Variants in KRT14 observed in about 807,000 individuals in gnomAD.
KRT14 encodes keratin 14.
KRT14 carries 30 observed loss-of-function variants against 44.5 expected under a neutral mutation model. The ratio of observed to expected loss-of-function variants is 0.67; its 90% confidence interval spans 0.50 to 0.92. The LOEUF is 0.92. Among genes scored for constraint, KRT14 ranks in the 40% least tolerant of loss-of-function variants. The probability of loss-of-function intolerance (pLI) is 0.00; values close to 1 mark genes in which losing one functional copy is unlikely to be tolerated. For missense variants in KRT14, 535 were observed against 640.6 expected, an observed-to-expected ratio of 0.84 and a Z score of 1.78; for synonymous variants, 241 against 257.6, an observed-to-expected ratio of 0.94 and a Z score of 0.62.
intron 5 of KRT14, 27 bp from the exon 6 acceptor site, chr17:41,583,482 G>T (rs771523259): frequency 6.2e-7 from 1 of 1,614,132 alleles, no homozygotes; most frequent in Non-Finnish European, 8.5e-7. Context: ...GGGAATCAAC[G>T]ATTAGTGAGT....
chr17:41,583,753 C>T lies in KRT14; in HGVS notation c.927+7G>A, dbSNP rs1327826098. On this transcript the variant is annotated splice_region_variant and intron_variant, in intron 4 of 7. Transcript: ENST00000167586. ...TCTGGGTTCCTTCCACCTCAAATGA[C>T]ACCCACCTTGGTGAAGAACCATTCC... is the stretch of plus-strand genomic sequence containing the variant. 1 of 1,614,270 alleles carries T rather than the reference C, an allele frequency of 6.2e-7. No homozygotes were observed. The highest frequency in any genetic ancestry group is 1.7e-5 in the Admixed American group (1 of 60,036).
Position 41,584,388 on chromosome 17 carries a change from T to C in KRT14, c.634A>G (p.Met212Val). ...CCATTGATGTCGGCTTCCACACTCA[T>C]GCGCAGGTTCAACTCTGTCTCATAC... ...TKYETELNLR[M>V]SVEADINGLR... The change falls in exon 3 of 8, where the codon ATG becomes GTG. Residue 212 changes from methionine (M) to valine (V), a missense_variant. Transcript: ENST00000167586. The C allele has an allele frequency of 6.2e-7, 1 of 1,614,014 alleles. No homozygotes were observed. Among genetic ancestry groups the C allele is most frequent in the Non-Finnish European group, 8.5e-7 (1 of 1,179,992 alleles).
Position 41,586,763 on chromosome 17 carries a change from G to A in KRT14, c.72C>T (p.Ile24=), listed in dbSNP as rs1385729323. The change falls in exon 1 of 8, where the codon ATC becomes ATT. Residue 24 remains isoleucine (I), a synonymous_variant. Transcript: ENST00000167586. ...MKGSCGIGGG[I]GGGSSRISSV... ...AGGAGATGCGGCTGGAGCCGCCCCC[G>A]ATGCCGCCCCCGATGCCGCAGGAGC... 29 of 1,581,422 alleles carry A rather than the reference G, an allele frequency of 1.8e-5. No homozygotes were observed. The highest frequency in any genetic ancestry group is 2.7e-5 in the African/African-American group (2 of 72,768).
At chr17:41,584,697 T>C (rs1907468912) in intron 2 of KRT14, among the ~76,000 whole-genome samples, 1 of 152,098 alleles carries the variant, frequency 6.6e-6, no homozygotes, top group Non-Finnish European at 1.5e-5. Context: ...TATGATTCCT[T>C]CCTATACTTC....
In KRT14 at chr17:41,583,593, G is replaced by A. The variant is rs540140138; in HGVS notation, c.1011C>T (p.Thr337=). The change falls in exon 5 of 8, where the codon ACC becomes ACT. Residue 337 remains threonine, a synonymous_variant. Transcript: ENST00000167586. ...GCAGCTCAATCTCCAGGTTCTGCAT[G>A]GTGCGCCGGAGCTCCGAGATCTCGC... ...GKSEISELRR[T]MQNLEIELQS... The A allele has an allele frequency of 1.9e-6, 3 of 1,614,072 alleles. No individual in the cohort carries two copies. Among genetic ancestry groups the A allele is most frequent in the Non-Finnish European group, 2.5e-6 (3 of 1,180,034 alleles).
At position 41,584,519 on chromosome 17, in the gene KRT14, G is replaced by A. The variant is rs1204100112; in HGVS notation, c.609-106C>T. The A allele has an allele frequency of 2.3e-6, 3 of 1,282,452 alleles. No individual in the cohort carries two copies. In the East Asian group the frequency reaches 7.2e-5, roughly 31 times the overall value. 79.4% of individuals were successfully genotyped at this position (1,282,452 alleles called of 1,614,324 possible). A position where few individuals can be genotyped will look rare whatever the true frequency, so the allele number is the denominator to read the frequency against. On this transcript the variant is annotated intron_variant, in intron 2 of 7. Transcript: ENST00000167586. The stretch of plus-strand genomic sequence containing the variant: ...TCCCAGAGCTGGTGCCTTGTGGGTG[G>A]TTTAAGGAGCCAATCTTGAAAATGG...
At chr17:41,584,806 T>C (rs1011155156) in intron 2 of KRT14, among the ~76,000 whole-genome samples, 169 bp downstream of exon 2, 13 of 152,318 alleles carry the variant, frequency 8.5e-5, no homozygotes, top group African/African-American at 3.1e-4. Context: ...TATAAATAGC[T>C]GAATCAAAAC....
rs61300844 is a variant in KRT14, at chr17:41,584,069, C to CTTT, written c.766-151_766-149dup. The CTTT allele has an allele frequency of 7.4e-3, 2,261 of 304,442 alleles. 107 individuals are homozygous for CTTT. The highest frequency in any genetic ancestry group is 9.1e-3 in the South Asian group (311 of 34,096). The allele number at this position is 304,442 out of a possible 1,614,324, so 18.9% of individuals were successfully genotyped here. A position where few individuals can be genotyped will look rare whatever the true frequency, so the allele number is the denominator to read the frequency against. ...TCTCTCAATCTCTCTCTCTCTCTCT[C>CTTT]TTTTTTTTTTTTTTTTTTTTTTTTT... On this transcript the variant is annotated intron_variant, in intron 3 of 7. Transcript: ENST00000167586.
Position 41,586,420 on chromosome 17 carries a change from C to A in KRT14, c.415G>T (p.Ala139Ser). Residue 139 changes from alanine (A) to serine (S), a missense_variant, in exon 1 of 8, where the codon GCC (alanine) becomes TCC (serine). Coordinates refer to ENST00000167586, the MANE Select transcript of KRT14 (RefSeq NM_000526.5). The stretch of plus-strand genomic sequence containing the variant: ...ATCTTCACTTCCAGGTCGGCGTTGG[C>A]CTCCTCCAGAGCACGCACCTTGTCC... ...YLDKVRALEEANADLEVKIRD... is the reference protein window; with the variant it reads ...YLDKVRALEESNADLEVKIRD... 6.2e-7 allele frequency: 1 copy of A among 1,614,118 alleles called. No homozygotes were observed.
In KRT14 at chr17:41,586,807, A is replaced by G. The variant is rs1374827316; in HGVS notation, c.28T>C (p.Ser10Pro). The change falls in exon 1 of 8, where the codon TCC becomes CCC. Residue 10 changes from serine (S) to proline (P), a missense_variant. Coordinates refer to ENST00000167586, the MANE Select transcript of KRT14 (RefSeq NM_000526.5). ...CAGGAGCCCTTCATGGAGCTGGAGG[A>G]GGTGAACTGGCGGCTGCAGGTGGTC... MTTCSRQFT[S>P]SSSMKGSCGI... 6.3e-7 allele frequency: 1 copy of G among 1,592,676 alleles called. No homozygotes were observed. Among genetic ancestry groups the G allele is most frequent in the Non-Finnish European group, 8.5e-7 (1 of 1,171,476 alleles).
chr17:41,585,109 G>A, intron 1 of KRT14, 52 bp from the exon 2 acceptor site: 1 of 1,320,772 alleles, frequency 7.6e-7, no homozygotes, highest in Non-Finnish European at 1.1e-6. Flanking sequence ...TCACAAGCTG[G>A]ACTTCACTGT....
intron 1 of KRT14, among the ~76,000 whole-genome samples, chr17:41,585,697 G>A (rs2144585212): frequency 6.6e-6 from 1 of 152,374 alleles, no homozygotes; most frequent in South Asian, 2.1e-4. Flanking sequence ...TAATGTGGGA[G>A]CAGGGAGGAG....
intron 2 of KRT14, 87 bp from the exon 3 acceptor site, chr17:41,584,500 A>G (rs747373244): frequency 6.7e-7 from 1 of 1,498,600 alleles, no homozygotes; most frequent in Admixed American, 1.7e-5. Flanking sequence ...CTTCTCCCAG[A>G]GCTGGTGCCT....
intron 3 of KRT14, 148 bp from the exon 4 acceptor site, chr17:41,584,069 C>CTTTTTTTTTTTT: frequency 1.6e-5 from 5 of 304,052 alleles, no homozygotes; most frequent in South Asian, 5.9e-5. Context: ...CTCTCTCTCT[C>CTTTTTTTTTTTT]TTTTTTTTTT....
At chr17:41,585,998 A>G (rs935542478) in intron 1 of KRT14, among the ~76,000 whole-genome samples, 2 of 152,250 alleles carry the variant, frequency 1.3e-5, no homozygotes, top group Non-Finnish European at 2.9e-5. Flanking sequence ...TGGCTCTGCC[A>G]TTAATTTGCT....
chr17:41,583,205 G>T (rs764781608), intron 6 of KRT14, 30 bp downstream of exon 6: 1 of 1,613,028 alleles, frequency 6.2e-7, no homozygotes, highest in South Asian at 1.1e-5. Flanking sequence ...GCCATGGGGG[G>T]GGCGGACTAA....
Position 41,586,709 on chromosome 17 carries a change from G to A in KRT14, c.126C>T (p.Ala42=), listed in dbSNP as rs1597800065. 6.3e-6 allele frequency: 10 copies of A among 1,590,238 alleles called. No homozygotes were observed. The highest frequency in any genetic ancestry group is 7.7e-6 in the Non-Finnish European group (9 of 1,168,940). The change falls in exon 1 of 8, where the codon GCC becomes GCT. Residue 42 remains alanine (A), a synonymous_variant. Coordinates refer to ENST00000167586, the MANE Select transcript of KRT14 (RefSeq NM_000526.5). Reference sequence around the variant, plus strand: ...ACAGGCCGCCCCCGTAGGTGCTGGGGGCGCGGCAGGACCCTCCGGCCAGGA... The same window carrying A: ...ACAGGCCGCCCCCGTAGGTGCTGGGAGCGCGGCAGGACCCTCCGGCCAGGA... The part of the protein sequence containing the change: ...SSVLAGGSCR[A]PSTYGGGLSV...
chr17:41,584,196 G>A lies in KRT14; in HGVS notation c.765+61C>T, dbSNP rs1308153575. 47 of 1,468,174 alleles carry A rather than the reference G, an allele frequency of 3.2e-5. No individual in the cohort carries two copies. The Admixed American group carries it at 4.1e-4, about 13-fold the overall frequency. 90.9% of individuals were successfully genotyped at this position (1,468,174 alleles called of 1,614,324 possible). ...CCCAAGTAGCTGGGACTATGGGCAC[G>A]CACCACTGTACCCAGCCTCCCTGCA... On this transcript the variant is annotated intron_variant, in intron 3 of 7. Transcript: ENST00000167586.
Position 41,583,602 on chromosome 17 carries a change from G to C in KRT14, c.1002C>G (p.Leu334=), listed in dbSNP as rs752334561. 1.2e-6 allele frequency: 2 copies of C among 1,614,072 alleles called. No individual in the cohort carries two copies. Among genetic ancestry groups the C allele is most frequent in the East Asian group, 4.5e-5 (2 of 44,884 alleles). ...VQSGKSEISE[L]RRTMQNLEIE... The stretch of plus-strand genomic sequence containing the variant: ...TCTCCAGGTTCTGCATGGTGCGCCG[G>C]AGCTCCGAGATCTCGCTCTTGCCGC... Residue 334 remains leucine (L), a synonymous_variant, in exon 5 of 8, where the codon CTC becomes CTG. Transcript: ENST00000167586.
Sources: allele counts gnomAD v4.1 joint callset (sites outside exome capture counted in the v4.1 genomes callset), GRCh38; gene constraint gnomAD v4.1.1; transcripts MANE v1.5; gene names NCBI Gene and HGNC (gene_info 2026-07-23, HGNC 2026-07-21).